The following SLC15A1 variants were observed in gnomAD, a reference collection of about 807,000 sequenced individuals.
SLC15A1 encodes the protein solute carrier family 15 member 1, also known as Caco-2 oligopeptide transporter.
A neutral mutation model predicts 92.9 loss-of-function variants in SLC15A1; 83 were observed. The observed-to-expected ratio is 0.89, with a 90% CI of 0.75 to 1.07. The LOEUF (loss-of-function observed/expected upper bound fraction) is 1.07. SLC15A1 is among the 50% of genes least tolerant of loss of function. SLC15A1 has a pLI of 0.00. For missense variants in SLC15A1, 857 were observed against 880.1 expected (o/e 0.97, Z 0.33); for synonymous variants, 322 against 318.2 (o/e 1.01, Z -0.13).
chr13:98,696,922 G>C (rs1442336365), intron 18 of SLC15A1, among the ~76,000 whole-genome samples: 1 of 152,180 alleles, frequency 6.6e-6, no homozygotes, highest in Non-Finnish European at 1.5e-5. Flanking sequence ...CACACACAGA[G>C]AAAGGGCCAT....
chr13:98,729,006 A>C (rs1594003061), intron 1 of SLC15A1, among the ~76,000 whole-genome samples: 2 of 129,684 alleles, frequency 1.5e-5, no homozygotes, highest in Admixed American at 7.8e-5. Context: ...AAAAAAAAAA[A>C]CAACAAGCCC....
intron 1 of SLC15A1, among the ~76,000 whole-genome samples, chr13:98,745,680 CG>C (rs913062703): frequency 2.0e-5 from 3 of 152,134 alleles, no homozygotes; most frequent in Non-Finnish European, 2.9e-5. Context: ...CCAGAGCCTT[CG>C]GAGGGAGTGT....
intron 9 of SLC15A1, among the ~76,000 whole-genome samples, chr13:98,714,018 A>G (rs1456288895): frequency 6.7e-6 from 1 of 148,760 alleles, no homozygotes; most frequent in Admixed American, 6.9e-5. Context: ...GTGCTACTAC[A>G]CTCTAGCCTG....
intron 8 of SLC15A1, among the ~76,000 whole-genome samples, chr13:98,716,719 ATTAATC>A (rs2088214132): frequency 1.3e-5 from 2 of 152,206 alleles, no homozygotes; most frequent in Admixed American, 1.3e-4. Flanking sequence ...GGAAAAAAGA[ATTAATC>A]TTAATCATAT....
chr13:98,697,290 C>T (rs2088030502), intron 18 of SLC15A1, among the ~76,000 whole-genome samples: 1 of 152,120 alleles, frequency 6.6e-6, no homozygotes, highest in Non-Finnish European at 1.5e-5. Flanking sequence ...TCCCGACCTC[C>T]TGATCTGCCT....
At chr13:98,687,347 G>A (rs1347930117) in intron 21 of SLC15A1, among the ~76,000 whole-genome samples, 1 of 152,164 alleles carries the variant, frequency 6.6e-6, no homozygotes, top group Non-Finnish European at 1.5e-5. Flanking sequence ...GGGTATGACT[G>A]TGGGGCTATG....
chr13:98,731,987 T>G (rs1268773573), intron 1 of SLC15A1, among the ~76,000 whole-genome samples: 1 of 152,204 alleles, frequency 6.6e-6, no homozygotes, highest in Admixed American at 6.5e-5. Context: ...GTTGCTAAAC[T>G]CTTTGACAGA....
intron 7 of SLC15A1, among the ~76,000 whole-genome samples, chr13:98,720,166 A>T (rs1314924504): frequency 1.3e-5 from 2 of 152,294 alleles, no homozygotes; most frequent in African/African-American, 4.8e-5. Flanking sequence ...TTTCCTGTTC[A>T]TGGCAAAAAA....
At chr13:98,750,674 C>T (rs912884068) in intron 1 of SLC15A1, among the ~76,000 whole-genome samples, 9 of 152,040 alleles carry the variant, frequency 5.9e-5, no homozygotes, top group African/African-American at 1.9e-4. Context: ...CTGCCTCGTT[C>T]GCCAACTGCT....
intron 15 of SLC15A1, among the ~76,000 whole-genome samples, chr13:98,707,891 TA>T (rs745924829): frequency 2.2e-3 from 238 of 106,818 alleles, no homozygotes; most frequent in East Asian, 0.011. Context: ...AGACCCTGTT[TA>T]AAAAAAAAAA....
At chr13:98,733,576 A>G (rs556354823) in intron 1 of SLC15A1, among the ~76,000 whole-genome samples, 1 of 152,322 alleles carries the variant, frequency 6.6e-6, no homozygotes, top group East Asian at 1.9e-4. Context: ...CAAAAGCCCC[A>G]GGAAGCCAAT....
At chr13:98,723,761 A>G (rs2088277366) in intron 5 of SLC15A1, 151 bp downstream of exon 5, 2 of 1,038,102 alleles carry the variant, frequency 1.9e-6, no homozygotes, top group South Asian at 1.7e-5. Context: ...GACCCAGCTC[A>G]ATCTATTTGA....
chr13:98,704,503 A>G (rs192551058), intron 16 of SLC15A1, 68 bp from the exon 17 acceptor site: 1 of 1,424,436 alleles, frequency 7.0e-7, no homozygotes, highest in East Asian at 2.4e-5. Flanking sequence ...TGAACGCTGG[A>G]AGAGCAGTTA....
chr13:98,702,377 T>C, intron 18 of SLC15A1, 103 bp downstream of exon 18: 2 of 855,566 alleles, frequency 2.3e-6, no homozygotes, highest in South Asian at 2.8e-5. Flanking sequence ...GGACAAACCC[T>C]ATAATCTCAT....
rs528865683 is a variant in SLC15A1 at position 98,692,136 on chromosome 13, CTTTTTTTTTTTTT to C, written c.1467-3572_1467-3560del. 3.1e-3 allele frequency among the ~76,000 whole-genome samples: 213 copies of C among 67,640 alleles called. 3 individuals carry two copies. Among genetic ancestry groups the C allele is most frequent in the Non-Finnish European group, 3.6e-3 (114 of 31,964 alleles). The allele number at this position is 67,640 out of a possible 152,430, so 44.4% of individuals were successfully genotyped here. A position where few individuals can be genotyped will look rare whatever the true frequency, so the allele number is the denominator to read the frequency against. On this transcript the variant is annotated intron_variant, in intron 18 of 22. Transcript: ENST00000376503. ...AGGAGTCCCCCTCTCTTCTCCTAAA[CTTTTTTTTTTTTT>C]TTTTTTTTTTTTTTTTTTTTTTAAG... is the stretch of plus-strand genomic sequence containing the variant.
chr13:98,736,852 G>A (rs953012426), intron 1 of SLC15A1, among the ~76,000 whole-genome samples: 1 of 152,158 alleles, frequency 6.6e-6, no homozygotes, highest in East Asian at 1.9e-4. Flanking sequence ...CACAGGTGCT[G>A]GAGAGGATGT....
At chr13:98,748,695 C>T (rs1351445308) in intron 1 of SLC15A1, among the ~76,000 whole-genome samples, 1 of 152,152 alleles carries the variant, frequency 6.6e-6, no homozygotes, top group African/African-American at 2.4e-5. Context: ...ATGGACAAGC[C>T]AGGGCCCAGA....
intron 1 of SLC15A1, among the ~76,000 whole-genome samples, chr13:98,751,727 T>A (rs1420109863): frequency 6.6e-6 from 1 of 152,208 alleles, no homozygotes; most frequent in East Asian, 1.9e-4. Context: ...GGCTGGGCAC[T>A]GACACACATC....
intron 1 of SLC15A1, among the ~76,000 whole-genome samples, chr13:98,730,997 C>T (rs139421590): frequency 6.6e-6 from 1 of 152,320 alleles, no homozygotes; most frequent in Non-Finnish European, 1.5e-5. Context: ...CCTGCAAGGT[C>T]ACCTCGGACC....
Sources: gnomAD v4.1 joint callset for allele counts (sites outside exome capture counted in the v4.1 genomes callset) on GRCh38, gnomAD v4.1.1 for gene constraint, MANE v1.5 for transcripts, NCBI Gene and HGNC (gene_info 2026-07-23, HGNC 2026-07-21) for gene names.